ENO2: variants seen among roughly 807,000 people sequenced by gnomAD.
ENO2 encodes the protein enolase 2.
ENO2 carries 19 observed loss-of-function variants against 48.7 expected under a neutral mutation model. The ratio of observed to expected loss-of-function variants is 0.39; its 90% confidence interval spans 0.27 to 0.57. The LOEUF (loss-of-function observed/expected upper bound fraction) is 0.57. Ranked by LOEUF, ENO2 falls within the 20% of genes least tolerant of loss-of-function variation. The pLI is 0.58. For synonymous variants in ENO2, 198 were observed against 213.4 expected (o/e 0.93, Z 0.63); for missense variants, 416 against 555.0 (o/e 0.75, Z 2.52).
intron 8 of ENO2, 116 bp downstream of exon 8, chr12:6,919,879 C>T (rs1316253868): frequency 5.2e-6 from 6 of 1,147,752 alleles, no homozygotes; most frequent in Non-Finnish European, 2.5e-6. Context: ...TAAGAAGAAC[C>T]TGAGAACCAG....
rs781892938 is a variant in ENO2, at chr12:6,917,714, G to A, written c.444G>A (p.Pro148=). ...ACTCAGACCTCATCCTGCCTGTGCC[G>A]GTGAGCAATAAGCCAGCCTGCGGCT... The part of the protein sequence containing the change: ...AGNSDLILPV[P]AFNVINGGSH... The change falls in exon 6 of 12, where the codon CCG becomes CCA. Residue 148 remains proline (P), a splice_region_variant and synonymous_variant. Transcript: ENST00000229277. The A allele has an allele frequency of 7.2e-6, 11 of 1,518,382 alleles. No individual in the cohort carries two copies. Among genetic ancestry groups the A allele is most frequent in the Middle Eastern group, 1.8e-4 (1 of 5,714 alleles). The allele number at this position is 1,518,382 out of a possible 1,614,324, so 94.1% of individuals were successfully genotyped here.
At position 6,922,050 on chromosome 12, in the gene ENO2, A is replaced by T; in HGVS notation, c.1068-6A>T. On this transcript the variant is annotated splice_region_variant and splice_polypyrimidine_tract_variant and intron_variant, in intron 9 of 11. Coordinates refer to ENST00000229277, the MANE Select transcript of ENO2 (RefSeq NM_001975.3). The surrounding 1 kb of genome is among the most constrained non-coding windows in gnomAD (Gnocchi z 5.3). Reference sequence around the variant, plus strand: ...GCTGGAGAATCAGTGCTGTGTGTGGATACAGGTGCAAGCTGGCCCAGGAGA... The same window carrying T: ...GCTGGAGAATCAGTGCTGTGTGTGGTTACAGGTGCAAGCTGGCCCAGGAGA... The T allele has an allele frequency of 6.2e-7, 1 of 1,614,102 alleles. No individual in the cohort carries two copies. Among genetic ancestry groups the T allele is most frequent in the African/African-American group, 1.3e-5 (1 of 75,038 alleles).
intron 2 of ENO2, 49 bp downstream of exon 2, chr12:6,915,966 C>T: frequency 6.2e-7 from 1 of 1,606,526 alleles, no homozygotes; most frequent in Admixed American, 1.7e-5. Context: ...TTTCCACGGC[C>T]AGGCTGGGTT....
chr12:6,922,195 ACT>A lies in ENO2; in HGVS notation c.1176+36_1176+37del, dbSNP rs770346242. 5.0e-6 allele frequency: 8 copies of A among 1,608,708 alleles called. No homozygotes were observed. Among genetic ancestry groups the A allele is most frequent in the Non-Finnish European group, 5.1e-6 (6 of 1,176,400 alleles). ...TGAGGCAGCCTGGTGAGTGAAGAGA[ACT>A]CTCTGTGGGATTGGTATTTCTAGCT... On this transcript the variant is annotated intron_variant, in intron 10 of 11. Coordinates refer to ENST00000229277, the MANE Select transcript of ENO2 (RefSeq NM_001975.3). The surrounding 1 kb of genome is among the most constrained non-coding windows in gnomAD (Gnocchi z 5.3).
rs1266010273 is a variant in ENO2 at position 6,922,228 on chromosome 12, ACCTGGTCTCT to A, written c.1176+68_1176+77del. On this transcript the variant is annotated intron_variant, in intron 10 of 11. Coordinates refer to ENST00000229277, the MANE Select transcript of ENO2 (RefSeq NM_001975.3). The surrounding 1 kb of genome is among the most constrained non-coding windows in gnomAD (Gnocchi z 5.3). ...TGGGATTGGTATTTCTAGCTCACCC[ACCTGGTCTCT>A]CCTTCCAGGTGTTTGAGGGTGTCAG... 4 of 1,606,760 alleles carry A rather than the reference ACCTGGTCTCT, an allele frequency of 2.5e-6. No homozygotes were observed. The African/African-American group carries it at 5.3e-5, about 21-fold the overall frequency.
In ENO2 at chr12:6,922,760, G is replaced by T; in HGVS notation, c.1265G>T (p.Arg422Leu). The T allele has an allele frequency of 6.2e-7, 1 of 1,614,056 alleles. No individual in the cohort carries two copies. Among genetic ancestry groups the T allele is most frequent in the Non-Finnish European group, 8.5e-7 (1 of 1,179,992 alleles). Residue 422 changes from arginine to leucine, a missense_variant, in exon 12 of 12, where the codon CGC becomes CTC. Physicochemically the swap from Arg to Leu is moderately radical, Grantham distance 102. Coordinates refer to ENST00000229277, the MANE Select transcript of ENO2 (RefSeq NM_001975.3). This position sits in a 1 kb window ranked among gnomAD's most constrained non-coding sequence, Gnocchi z 5.3. ...GAGGAAGAGCTGGGGGATGAAGCTC[G>T]CTTTGCCGGACATAACTTCCGTAAT... is the stretch of plus-strand genomic sequence containing the variant. ...RIEEELGDEARFAGHNFRNPS... is the reference protein window; with the variant it reads ...RIEEELGDEALFAGHNFRNPS...
chr12:6,917,278 G>A (rs1945300459), intron 5 of ENO2, 171 bp downstream of exon 5: 4 of 828,382 alleles, frequency 4.8e-6, no homozygotes, highest in South Asian at 1.7e-5. Flanking sequence ...GGGAAGGACC[G>A]ACAGTAGGCA....
In ENO2 at chr12:6,922,438, T is replaced by C; in HGVS notation, c.1235+36T>C. 2 of 1,613,590 alleles carry C rather than the reference T, an allele frequency of 1.2e-6. No homozygotes were observed. The highest frequency in any genetic ancestry group is 1.7e-6 in the Non-Finnish European group (2 of 1,179,708). ...CTGGGGTGGGAGCCCCTGGCCCAGA[T>C]GGCTAAAGGCCCCATTTGCCTGCCA... On this transcript the variant is annotated intron_variant, in intron 11 of 11. Coordinates refer to ENST00000229277, the MANE Select transcript of ENO2 (RefSeq NM_001975.3). This position sits in a 1 kb window ranked among gnomAD's most constrained non-coding sequence, Gnocchi z 5.3.
rs1555142246 is a variant in ENO2 at position 6,922,744 on chromosome 12, C to T, written c.1249C>T (p.Leu417=). 1.9e-6 allele frequency: 3 copies of T among 1,614,148 alleles called. No homozygotes were observed. Among genetic ancestry groups the T allele is most frequent in the African/African-American group, 1.3e-5 (1 of 75,030 alleles). Residue 417 remains leucine (L), a synonymous_variant, in exon 12 of 12, where the codon CTG becomes TTG. Coordinates refer to ENST00000229277, the MANE Select transcript of ENO2 (RefSeq NM_001975.3). The surrounding 1 kb of genome is among the most constrained non-coding windows in gnomAD (Gnocchi z 5.3). ...YNQLMRIEEE[L]GDEARFAGHN... is the part of the protein sequence containing the mutation. ...CATCTCTCTCAGAATTGAGGAAGAG[C>T]TGGGGGATGAAGCTCGCTTTGCCGG...
intron 1 of ENO2, 127 bp from the exon 2 acceptor site, chr12:6,915,694 A>AACCC: frequency 6.9e-6 from 1 of 145,570 alleles, no homozygotes. Flanking sequence ...GCGCCTCCCT[A>AACCC]CCCACCCCCC....
chr12:6,918,232 G>A (rs1945309437), intron 7 of ENO2, 70 bp downstream of exon 7: 2 of 1,524,886 alleles, frequency 1.3e-6, no homozygotes, highest in Non-Finnish European at 1.8e-6. Flanking sequence ...GGGTGACACA[G>A]TTCACCAAGT....
Position 6,922,388 on chromosome 12 carries a change from C to T in ENO2, c.1221C>T (p.Tyr407=). 6.2e-7 allele frequency: 1 copy of T among 1,614,188 alleles called. No homozygotes were observed. Among genetic ancestry groups the T allele is most frequent in the Non-Finnish European group, 8.5e-7 (1 of 1,180,024 alleles). Residue 407 remains tyrosine (Y), a synonymous_variant, in exon 11 of 12, where the codon TAC becomes TAT. Transcript: ENST00000229277. This position sits in a 1 kb window ranked among gnomAD's most constrained non-coding sequence, Gnocchi z 5.3. Reference sequence around the variant, plus strand: ...GCCGTTCTGAACGTCTGGCTAAATACAACCAGCTCATGAGGTGAGGGTCCC... The same window carrying T: ...GCCGTTCTGAACGTCTGGCTAAATATAACCAGCTCATGAGGTGAGGGTCCC... ...APCRSERLAK[Y]NQLMRIEEEL...
intron 1 of ENO2, chr12:6,915,091 C>G (rs1330576060): frequency 6.6e-6 from 1 of 152,542 alleles, no homozygotes; most frequent in Non-Finnish European, 1.5e-5. Flanking sequence ...GCGCCCCTCT[C>G]CGTTCGCGCT....
At position 6,922,210 on chromosome 12, in the gene ENO2, G is replaced by A. The variant is rs782693220; in HGVS notation, c.1176+46G>A. On this transcript the variant is annotated intron_variant, in intron 10 of 11. Transcript: ENST00000229277. This position sits in a 1 kb window ranked among gnomAD's most constrained non-coding sequence, Gnocchi z 5.3. ...AGTGAAGAGAACTCTCTGTGGGATT[G>A]GTATTTCTAGCTCACCCACCTGGTC... 6 of 1,607,124 alleles carry A rather than the reference G, an allele frequency of 3.7e-6. No homozygotes were observed. The highest frequency in any genetic ancestry group is 4.3e-6 in the Non-Finnish European group (5 of 1,174,912).
rs782730997 is a variant in ENO2 at position 6,922,173 on chromosome 12, G to A, written c.1176+9G>A. On this transcript the variant is annotated intron_variant, in intron 10 of 11. Transcript: ENST00000229277. The surrounding 1 kb of genome is among the most constrained non-coding windows in gnomAD (Gnocchi z 5.3). ...GGCTGTGCACAGGCCAGGTGAGTGAGGCAGCCTGGTGAGTGAAGAGAACTC... is the reference window on the plus strand; with the variant it reads ...GGCTGTGCACAGGCCAGGTGAGTGAAGCAGCCTGGTGAGTGAAGAGAACTC... 1.9e-6 allele frequency: 3 copies of A among 1,612,866 alleles called. No homozygotes were observed. In the African/African-American group the frequency reaches 4.0e-5, roughly 22 times the overall value.
At chr12:6,919,387 C>T (rs1945319950) in intron 7 of ENO2, among the ~76,000 whole-genome samples, 179 bp from the exon 8 acceptor site, 1 of 152,154 alleles carries the variant, frequency 6.6e-6, no homozygotes, top group African/African-American at 2.4e-5. Context: ...GAATTCCATT[C>T]CTCTGTGTTC....
Position 6,915,832 on chromosome 12 carries a change from C to A in ENO2, c.-1C>A, listed in dbSNP as rs782170861. 1.9e-5 allele frequency: 30 copies of A among 1,613,068 alleles called. No homozygotes were observed. Among genetic ancestry groups the A allele is most frequent in the Non-Finnish European group, 2.5e-5 (30 of 1,179,520 alleles). ...TTCCACCCGAGGAGATCCCAGCCAT[C>A]ATGTCCATAGAGAAGATCTGGGCCC... On this transcript the variant is annotated 5_prime_UTR_variant, in exon 2 of 12. Coordinates refer to ENST00000229277, the MANE Select transcript of ENO2 (RefSeq NM_001975.3).
At position 6,922,985 on chromosome 12, in the gene ENO2, C is replaced by G. The variant is rs782695780; in HGVS notation, c.*185C>G. 2 of 607,720 alleles carry G rather than the reference C, an allele frequency of 3.3e-6. No homozygotes were observed. The highest frequency in any genetic ancestry group is 5.9e-6 in the Non-Finnish European group (2 of 337,866). The allele number at this position is 607,720 out of a possible 1,614,324, so 37.6% of individuals were successfully genotyped here. On this transcript the variant is annotated 3_prime_UTR_variant, in exon 12 of 12. Transcript: ENST00000229277. The surrounding 1 kb of genome is among the most constrained non-coding windows in gnomAD (Gnocchi z 5.3). ...TTGCTGTCTCTGCTCGCCCTCCTTTCTGTGCCCTACTCATTGGGGTTCCGC... is the reference window on the plus strand; with the variant it reads ...TTGCTGTCTCTGCTCGCCCTCCTTTGTGTGCCCTACTCATTGGGGTTCCGC...
At chr12:6,917,005 C>T (rs1555141662) in intron 4 of ENO2, 33 bp from the exon 5 acceptor site, 3 of 1,613,586 alleles carry the variant, frequency 1.9e-6, no homozygotes, top group Admixed American at 3.3e-5. Context: ...CAGCCTCCAG[C>T]CTGGCCCTGG....
Sources: gnomAD v4.1 joint callset for allele counts (sites outside exome capture counted in the v4.1 genomes callset) on GRCh38, gnomAD v4.1.1 for gene constraint, Gnocchi (gnomAD v3.1) non-coding constraint, MANE v1.5 for transcripts, NCBI Gene and HGNC (gene_info 2026-07-23, HGNC 2026-07-21) for gene names.